Variants in CPED1 observed in about 807,000 individuals in gnomAD.
CPED1 encodes the protein cadherin-like and PC-esterase domain-containing protein 1.
A neutral mutation model predicts 128.2 loss-of-function variants in CPED1; 114 were observed. The observed-to-expected ratio is 0.89, with a 90% CI of 0.76 to 1.04. The LOEUF (loss-of-function observed/expected upper bound fraction) is 1.04, where lower values mean the gene tolerates loss of function less well. Ranked by LOEUF, CPED1 falls within the 50% of genes least tolerant of loss-of-function variation. CPED1 has a pLI of 0.00. For missense variants in CPED1, 1,211 were observed against 1,207.1 expected, an observed-to-expected ratio of 1.00 and a Z score of -0.05; for synonymous variants, 462 against 426.7, an observed-to-expected ratio of 1.08 and a Z score of -1.02.
At chr7:121,091,223 A>G (rs946157177) in intron 5 of CPED1, among the ~76,000 whole-genome samples, 3 of 152,200 alleles carry the variant, frequency 2.0e-5, no homozygotes, top group South Asian at 2.1e-4. Flanking sequence ...TACTCCATCC[A>G]TAGAAACCTA....
At chr7:121,111,307 C>A (rs764178152) in intron 7 of CPED1, among the ~76,000 whole-genome samples, 1 of 152,138 alleles carries the variant, frequency 6.6e-6, no homozygotes, top group Non-Finnish European at 1.5e-5. Flanking sequence ...CACTGTAACC[C>A]CTATTTCCAA....
chr7:121,063,306 G>A (rs1793729338), intron 4 of CPED1, among the ~76,000 whole-genome samples: 2 of 124,588 alleles, frequency 1.6e-5, no homozygotes, highest in Non-Finnish European at 3.2e-5. Context: ...TTATTGATTT[G>A]GTAAAAATCT....
chr7:121,146,239 C>A (rs1796022234), intron 16 of CPED1, among the ~76,000 whole-genome samples: 1 of 152,034 alleles, frequency 6.6e-6, no homozygotes, highest in African/African-American at 2.4e-5. Flanking sequence ...AGGGAAAATT[C>A]TATGTCCTCA....
intron 10 of CPED1, among the ~76,000 whole-genome samples, chr7:121,127,791 C>T (rs1193585046): frequency 6.6e-6 from 1 of 152,004 alleles, no homozygotes; most frequent in African/African-American, 2.4e-5. Context: ...GCCTCGGCCT[C>T]CCAAAGTGCT....
intron 16 of CPED1, among the ~76,000 whole-genome samples, chr7:121,183,561 T>C (rs923686618): frequency 6.6e-6 from 1 of 152,150 alleles, no homozygotes; most frequent in African/African-American, 2.4e-5. Flanking sequence ...ACAGATCTAA[T>C]AGACCAGGTA....
chr7:121,060,929 C>T (rs879615741), intron 4 of CPED1, among the ~76,000 whole-genome samples: 1 of 152,098 alleles, frequency 6.6e-6, no homozygotes, highest in East Asian at 1.9e-4. Context: ...CTGAAGCCAG[C>T]GAGACCACGA....
At chr7:121,099,572 T>G (rs1042258750) in intron 6 of CPED1, among the ~76,000 whole-genome samples, 5 of 152,212 alleles carry the variant, frequency 3.3e-5, no homozygotes, top group African/African-American at 4.8e-5. Context: ...TTCACCCTGT[T>G]GGCCAGCCTG....
intron 5 of CPED1, among the ~76,000 whole-genome samples, chr7:121,084,855 C>A (rs1242178950): frequency 6.6e-6 from 1 of 152,130 alleles, no homozygotes; most frequent in African/African-American, 2.4e-5. Flanking sequence ...GAATGAATGC[C>A]TAACCATTTA....
At chr7:121,137,194 T>C (rs1286120498) in intron 14 of CPED1, among the ~76,000 whole-genome samples, 1 of 151,874 alleles carries the variant, frequency 6.6e-6, no homozygotes, top group East Asian at 1.9e-4. Flanking sequence ...TTATTATAGA[T>C]AGGATTTCAC....
intron 7 of CPED1, among the ~76,000 whole-genome samples, chr7:121,116,355 A>T (rs1795233920): frequency 6.6e-6 from 1 of 152,226 alleles, no homozygotes; most frequent in Non-Finnish European, 1.5e-5. Context: ...TGTGATTTAC[A>T]CTAAAGCAAG....
At chr7:121,132,708 G>C (rs1343303186) in intron 12 of CPED1, among the ~76,000 whole-genome samples, 1 of 152,024 alleles carries the variant, frequency 6.6e-6, no homozygotes, top group Non-Finnish European at 1.5e-5. Context: ...ACATGGATTT[G>C]AAACAATGTA....
intron 16 of CPED1, among the ~76,000 whole-genome samples, chr7:121,201,503 GGAAA>G (rs1007471259): frequency 1.3e-5 from 2 of 148,642 alleles, no homozygotes; most frequent in East Asian, 2.0e-4. Flanking sequence ...AGAGAGAGAA[GGAAA>G]GAAAGAGAAA....
intron 4 of CPED1, among the ~76,000 whole-genome samples, chr7:121,053,285 A>G: frequency 6.6e-6 from 1 of 151,864 alleles, no homozygotes; most frequent in Non-Finnish European, 1.5e-5. Context: ...GAGTTTTCAT[A>G]TCTCCTTACT....
At chr7:121,244,618 A>G (rs562253727) in intron 18 of CPED1, among the ~76,000 whole-genome samples, 3 of 152,308 alleles carry the variant, frequency 2.0e-5, no homozygotes, top group African/African-American at 7.2e-5. Context: ...TTTTCTCAGC[A>G]CAAATTGGTA....
At chr7:121,177,964 A>T (rs1474338541) in intron 16 of CPED1, among the ~76,000 whole-genome samples, 2 of 152,106 alleles carry the variant, frequency 1.3e-5, no homozygotes, top group African/African-American at 2.4e-5. Context: ...CATCCCCAAG[A>T]TATTACAGTT....
chr7:121,279,523 G>C (rs78905002), intron 22 of CPED1, among the ~76,000 whole-genome samples: 1 of 151,134 alleles, frequency 6.6e-6, no homozygotes, highest in Non-Finnish European at 1.5e-5. Context: ...TTCATTCTAT[G>C]AAGTTTGACT....
At chr7:121,206,177 C>T (rs916538312) in intron 16 of CPED1, among the ~76,000 whole-genome samples, 2 of 151,996 alleles carry the variant, frequency 1.3e-5, no homozygotes, top group African/African-American at 2.4e-5. Flanking sequence ...AGAAGTGGGG[C>T]ACAGAGCCTT....
At chr7:121,285,816 A>C (rs778751383) in intron 22 of CPED1, among the ~76,000 whole-genome samples, 3 of 152,178 alleles carry the variant, frequency 2.0e-5, no homozygotes, top group Non-Finnish European at 4.4e-5. Flanking sequence ...GGAAGTTCCA[A>C]ACATTTTCCT....
At position 121,200,107 on chromosome 7, in the gene CPED1, A is replaced by G. The variant is rs113918008; in HGVS notation, c.2056-36607A>G. Among the ~76,000 whole-genome samples, 57 of 152,246 alleles carry G rather than the reference A, an allele frequency of 3.7e-4. 1 individual carries two copies. Among genetic ancestry groups the G allele is most frequent in the African/African-American group, 1.3e-3 (53 of 41,540 alleles). On this transcript the variant is annotated intron_variant, in intron 16 of 22. Coordinates refer to ENST00000310396, the MANE Select transcript of CPED1 (RefSeq NM_024913.5). ...GGGTATTTAAAAAGCCAGCTGGTAT[A>G]AAAGGTTTTATATGATGATAAACAT...
Sources: allele counts gnomAD v4.1 joint callset (sites outside exome capture counted in the v4.1 genomes callset), GRCh38; gene constraint gnomAD v4.1.1; transcripts MANE v1.5; gene names NCBI Gene and HGNC (gene_info 2026-07-23, HGNC 2026-07-21).